The following SLC30A9 variants were observed in gnomAD, a reference collection of about 807,000 sequenced individuals.
SLC30A9 encodes proton-coupled zinc antiporter SLC30A9, mitochondrial.
SLC30A9 carries 58 observed loss-of-function variants against 87.5 expected under a neutral mutation model. The observed-to-expected ratio is 0.66, with a 90% CI of 0.54 to 0.82. The LOEUF is 0.82. Among genes scored for constraint, SLC30A9 ranks in the 40% least tolerant of loss-of-function variants. The pLI is 0.00. For synonymous variants in SLC30A9, 234 were observed against 233.0 expected, an observed-to-expected ratio of 1.00 and a Z score of -0.04; for missense variants, 557 against 679.1, an observed-to-expected ratio of 0.82 and a Z score of 2.00.
intron 17 of SLC30A9, among the ~76,000 whole-genome samples, chr4:42,082,901 A>G (rs1356421226): frequency 1.2e-4 from 18 of 152,090 alleles, no homozygotes; most frequent in Admixed American, 1.0e-3. Flanking sequence ...TAAAGGTGTT[A>G]AAAATAATAG....
chr4:42,070,036 A>G (rs568860131), intron 14 of SLC30A9, among the ~76,000 whole-genome samples: 12 of 152,338 alleles, frequency 7.9e-5, no homozygotes, highest in African/African-American at 2.6e-4. Context: ...TACTAGCTAT[A>G]TATCATCCTT....
At position 42,087,278 on chromosome 4, in the gene SLC30A9, G is replaced by A. The variant is rs955545250; in HGVS notation, c.*1152G>A. The A allele has an allele frequency of 1.2e-4, 19 of 152,228 alleles. No homozygotes were observed. Among genetic ancestry groups the A allele is most frequent in the Non-Finnish European group, 1.8e-4 (12 of 68,042 alleles). The allele number at this position is 152,228 out of a possible 1,614,324, so 9.4% of individuals were successfully genotyped here. On this transcript the variant is annotated 3_prime_UTR_variant, in exon 18 of 18. Transcript: ENST00000264451. ...ATGCAATTCAGTAATTGAAAATGTG[G>A]TGAAAAGCTGCAGCTGTCATCATCA...
Position 42,044,837 on chromosome 4 carries a change from CAGA to C in SLC30A9, c.738-4535_738-4533del, listed in dbSNP as rs371259015. ...GATGTAAAACACTCCTCAGCAAATG[CAGA>C]AGAACAGAAATCAAAACAGTCTCTC... On this transcript the variant is annotated intron_variant, in intron 8 of 17. Transcript: ENST00000264451. Among the ~76,000 whole-genome samples, 871 of 152,194 alleles carry C rather than the reference CAGA, an allele frequency of 5.7e-3. 3 individuals carry two copies. The highest frequency in any genetic ancestry group is 0.02 in the African/African-American group (834 of 41,508).
intron 8 of SLC30A9, among the ~76,000 whole-genome samples, chr4:42,048,855 T>C (rs1717272692): frequency 6.6e-6 from 1 of 152,256 alleles, no homozygotes; most frequent in Non-Finnish European, 1.5e-5. Flanking sequence ...ACACATAGCA[T>C]GCCTCTTAAC....
At chr4:42,014,606 A>G (rs1386079335) in intron 2 of SLC30A9, among the ~76,000 whole-genome samples, 1 of 151,686 alleles carries the variant, frequency 6.6e-6, no homozygotes, top group Non-Finnish European at 1.5e-5. Flanking sequence ...CTGCATTCCC[A>G]TGTTTATTGC....
At chr4:42,022,500 A>AC (rs1290505026) in intron 4 of SLC30A9, among the ~76,000 whole-genome samples, 1 of 152,022 alleles carries the variant, frequency 6.6e-6, no homozygotes, top group African/African-American at 2.4e-5. Context: ...GGAGTGAGCC[A>AC]CCACGCATTA....
intron 12 of SLC30A9, among the ~76,000 whole-genome samples, 175 bp downstream of exon 12, chr4:42,065,524 C>T (rs1282037747): frequency 6.6e-6 from 1 of 152,172 alleles, no homozygotes; most frequent in Admixed American, 6.5e-5. Flanking sequence ...TGTGGTTGTT[C>T]TGTAATGGAT....
At position 42,036,933 on chromosome 4, in the gene SLC30A9, C is replaced by T. The variant is rs531265394; in HGVS notation, c.669+1600C>T. Among the ~76,000 whole-genome samples the T allele has an allele frequency of 2.4e-3, 372 of 152,242 alleles. 1 individual carries two copies. Among genetic ancestry groups the T allele is most frequent in the African/African-American group, 8.4e-3 (350 of 41,536 alleles). ...CTGCCTCCTGGGAAGATTCACTCCT[C>T]GCCTTCACATCTGTTTCACATGGAG... On this transcript the variant is annotated intron_variant, in intron 7 of 17. Transcript: ENST00000264451.
intron 5 of SLC30A9, 32 bp from the exon 6 acceptor site, chr4:42,023,270 G>C (rs1380712586): frequency 2.8e-6 from 4 of 1,409,734 alleles, no homozygotes; most frequent in Non-Finnish European, 2.0e-6. Flanking sequence ...CATTAAAATT[G>C]TTCATTGTGG....
intron 13 of SLC30A9, 65 bp from the exon 14 acceptor site, chr4:42,067,020 T>G: frequency 1.1e-6 from 1 of 887,448 alleles, no homozygotes; most frequent in Non-Finnish European, 1.9e-6. Flanking sequence ...TATTAAAATG[T>G]TACCTGATAG....
intron 8 of SLC30A9, among the ~76,000 whole-genome samples, chr4:42,046,762 G>A (rs961242628): frequency 5.3e-5 from 8 of 152,148 alleles, no homozygotes; most frequent in African/African-American, 1.9e-4. Flanking sequence ...CCAAAAAAGA[G>A]CCTGTATAGC....
chr4:42,077,741 T>G (rs1718611061), intron 16 of SLC30A9, among the ~76,000 whole-genome samples: 1 of 152,144 alleles, frequency 6.6e-6, no homozygotes, highest in Non-Finnish European at 1.5e-5. Context: ...TACAAAATAT[T>G]TAATATGATT....
chr4:42,064,930 C>CT (rs1262526727), intron 11 of SLC30A9, among the ~76,000 whole-genome samples: 4 of 151,648 alleles, frequency 2.6e-5, no homozygotes, highest in Non-Finnish European at 4.4e-5. Flanking sequence ...CTGTCTAAAG[C>CT]TTTTTTTACC....
At chr4:42,062,877 A>G (rs1717919750) in intron 10 of SLC30A9, 109 bp from the exon 11 acceptor site, 1 of 924,886 alleles carries the variant, frequency 1.1e-6, no homozygotes. Flanking sequence ...TAAATATAAA[A>G]TTATAACATC....
chr4:42,036,549 A>G (rs905536952), intron 7 of SLC30A9, among the ~76,000 whole-genome samples: 2 of 152,182 alleles, frequency 1.3e-5, no homozygotes, highest in Admixed American at 1.3e-4. Context: ...GGCTGGGAGG[A>G]ATCTCCTATC....
intron 10 of SLC30A9, among the ~76,000 whole-genome samples, chr4:42,061,159 C>G (rs1159667579): frequency 6.6e-6 from 1 of 152,016 alleles, no homozygotes; most frequent in Non-Finnish European, 1.5e-5. Flanking sequence ...TTTTTATAGT[C>G]TACTTTAGTG....
At chr4:42,051,230 C>T (rs1717369836) in intron 9 of SLC30A9, among the ~76,000 whole-genome samples, 1 of 152,176 alleles carries the variant, frequency 6.6e-6, no homozygotes, top group Non-Finnish European at 1.5e-5. Flanking sequence ...CTAGAACCCT[C>T]CCTAACAAAT....
chr4:42,019,102 G>A (rs1283859726), intron 3 of SLC30A9, among the ~76,000 whole-genome samples: 7 of 151,706 alleles, frequency 4.6e-5, no homozygotes, highest in Non-Finnish European at 1.0e-4. Context: ...ATGTAAGTAT[G>A]TATTATTTTA....
In SLC30A9 at chr4:42,031,298, A is replaced by G. The variant is rs116088624; in HGVS notation, c.611-3977A>G. ...AAAAAACAGAAGACATCTGCAGCAG[A>G]TATATTTTCCAAGCCCAACCTATAG... is the stretch of plus-strand genomic sequence containing the variant. On this transcript the variant is annotated intron_variant, in intron 6 of 17. Transcript: ENST00000264451. Among the ~76,000 whole-genome samples the G allele has an allele frequency of 2.0e-5, 3 of 152,200 alleles. No individual in the cohort carries two copies. The South Asian group carries it at 6.2e-4, about 32-fold the overall frequency.
Sources: gnomAD v4.1 joint callset for allele counts (sites outside exome capture counted in the v4.1 genomes callset) on GRCh38, gnomAD v4.1.1 for gene constraint, MANE v1.5 for transcripts, NCBI Gene and HGNC (gene_info 2026-07-23, HGNC 2026-07-21) for gene names.